Variants in SMAD2 observed in about 807,000 individuals in gnomAD.
The protein encoded by SMAD2 is SMAD family member 2.
SMAD2 carries 8 observed loss-of-function variants against 64.4 expected under a neutral mutation model. The observed-to-expected ratio is 0.12, with a 90% CI of 0.07 to 0.22. The LOEUF is 0.22. Among genes scored for constraint, SMAD2 ranks in the 10% least tolerant of loss-of-function variants. SMAD2 has a pLI of 1.00. For missense variants in SMAD2, 289 were observed against 561.2 expected (o/e 0.51, Z 4.90); for synonymous variants, 203 against 195.8 (o/e 1.04, Z -0.31).
chr18:47,915,323 G>A (rs1420255748), intron 1 of SMAD2, among the ~76,000 whole-genome samples: 1 of 152,110 alleles, frequency 6.6e-6, no homozygotes, highest in Non-Finnish European at 1.5e-5. Flanking sequence ...AAATTTATAT[G>A]AAAGTGTGAT....
chr18:47,873,452 C>A (rs1186763510), intron 2 of SMAD2, among the ~76,000 whole-genome samples: 1 of 152,066 alleles, frequency 6.6e-6, no homozygotes, highest in Non-Finnish European at 1.5e-5. Context: ...GGTATTAGTC[C>A]AAATACTGTA....
rs1180626562 is a variant in SMAD2, at chr18:47,830,973, C to G, written c.*10854G>C. The G allele has an allele frequency of 1.3e-5, 2 of 152,146 alleles. No individual in the cohort carries two copies. The highest frequency in any genetic ancestry group is 1.3e-4 in the Admixed American group (2 of 15,274). 9.4% of individuals were successfully genotyped at this position (152,146 alleles called of 1,614,324 possible). ...GTTTCACTTAATACACACACACACA[C>G]TAGGGTTTATATGTAGCAACTTCCT... is the stretch of plus-strand genomic sequence containing the variant. On this transcript the variant is annotated 3_prime_UTR_variant, in exon 11 of 11. Coordinates refer to ENST00000262160, the MANE Select transcript of SMAD2 (RefSeq NM_005901.6).
intron 2 of SMAD2, among the ~76,000 whole-genome samples, chr18:47,875,558 T>C (rs2032215403): frequency 6.6e-6 from 1 of 152,052 alleles, no homozygotes; most frequent in East Asian, 1.9e-4. Flanking sequence ...AAGAAACAAA[T>C]GCAGGAAAAA....
rs569654498 is a variant in SMAD2 at position 47,816,376 on chromosome 18, A to C, written c.*25451T>G. The C allele has an allele frequency of 6.6e-6, 1 of 152,364 alleles. No individual in the cohort carries two copies. The highest frequency in any genetic ancestry group is 2.1e-4 in the South Asian group (1 of 4,832). 9.4% of individuals were successfully genotyped at this position (152,364 alleles called of 1,614,324 possible). ...AACATTTTTGGATAATACACTTATA[A>C]ATTGGAAAATGAGAAAAGATAGTCT... On this transcript the variant is annotated 3_prime_UTR_variant, in exon 11 of 11. Transcript: ENST00000262160.
At chr18:47,848,034 T>A (rs1338361219) in intron 8 of SMAD2, among the ~76,000 whole-genome samples, 2 of 151,872 alleles carry the variant, frequency 1.3e-5, no homozygotes, top group African/African-American at 2.4e-5. Flanking sequence ...TCATTTCAGA[T>A]GAACAGCAAG....
chr18:47,843,564 A>G (rs1440568136), intron 10 of SMAD2, among the ~76,000 whole-genome samples: 1 of 152,252 alleles, frequency 6.6e-6, no homozygotes, highest in East Asian at 1.9e-4. Flanking sequence ...TTTAAAAAAA[A>G]TAGTTTTAGA....
intron 2 of SMAD2, among the ~76,000 whole-genome samples, chr18:47,882,714 T>C (rs1042334227): frequency 1.3e-5 from 2 of 152,360 alleles, no homozygotes; most frequent in East Asian, 1.9e-4. Context: ...GTTGCACAAA[T>C]GCTTAAATTT....
chr18:47,848,781 C>G (rs112826329), intron 7 of SMAD2, 94 bp from the exon 8 acceptor site: 1 of 877,098 alleles, frequency 1.1e-6, no homozygotes. Flanking sequence ...TTTACATGCT[C>G]TATGCCAGCC....
chr18:47,868,388 G>T lies in SMAD2; in HGVS notation c.590C>A (p.Thr197Asn), dbSNP rs1400171724. The T allele has an allele frequency of 2.5e-6, 4 of 1,609,072 alleles. No homozygotes were observed. The highest frequency in any genetic ancestry group is 3.4e-6 in the Non-Finnish European group (4 of 1,175,734). Residue 197 changes from threonine (T) to asparagine (N), a missense_variant, in exon 5 of 11, where the codon ACT becomes AAT. Coordinates refer to ENST00000262160, the MANE Select transcript of SMAD2 (RefSeq NM_005901.6). The part of the protein sequence containing the change: ...LTELPPLDDY[T>N]HSIPENTNFP... ...GTTAGTGTTTTCTGGAATGGAGTGA[G>T]TATAGTCATCCAGAGGCGGAAGTTC...
rs1384715574 is a variant in SMAD2 at position 47,840,764 on chromosome 18, G to C, written c.*1063C>G. On this transcript the variant is annotated 3_prime_UTR_variant, in exon 11 of 11. Transcript: ENST00000262160. ...GCAGAAGGTCTGCTGTTGAAATATT[G>C]TAAAATACCTTTGGAAAAACGGTAT... 4.3e-6 allele frequency: 1 copy of C among 231,084 alleles called. No homozygotes were observed. Among genetic ancestry groups the C allele is most frequent in the Non-Finnish European group, 8.6e-6 (1 of 116,836 alleles). 14.3% of individuals were successfully genotyped at this position (231,084 alleles called of 1,614,324 possible).
In SMAD2 at chr18:47,875,970, C is replaced by A. The variant is rs993975710; in HGVS notation, c.237-5406G>T. On this transcript the variant is annotated intron_variant, in intron 2 of 10. Transcript: ENST00000262160. Reference sequence around the variant, plus strand: ...GTTTGCACTTAAGTATGTTTCTATACATTTAAATAATATTAAAGGAAGTCC... The same window carrying A: ...GTTTGCACTTAAGTATGTTTCTATAAATTTAAATAATATTAAAGGAAGTCC... Among the ~76,000 whole-genome samples the A allele has an allele frequency of 8.6e-5, 13 of 152,036 alleles. No individual in the cohort carries two copies. In the East Asian group the frequency reaches 1.9e-3, roughly 23 times the overall value.
At chr18:47,885,110 C>T (rs1238615905) in intron 2 of SMAD2, among the ~76,000 whole-genome samples, 1 of 146,506 alleles carries the variant, frequency 6.8e-6, no homozygotes, top group Non-Finnish European at 1.5e-5. Context: ...CATAGCTTAT[C>T]GATTTTCTAG....
intron 1 of SMAD2, among the ~76,000 whole-genome samples, chr18:47,901,893 CG>C (rs1568099769): frequency 6.6e-6 from 1 of 152,140 alleles, no homozygotes. Context: ...CAAATGTCTA[CG>C]GGGGAAGAAA....
rs1912929573 is a variant in SMAD2 at position 47,830,127 on chromosome 18, G to A, written c.*11700C>T. 6.6e-6 allele frequency: 1 copy of A among 152,078 alleles called. No individual in the cohort carries two copies. Among genetic ancestry groups the A allele is most frequent in the Non-Finnish European group, 1.5e-5 (1 of 68,028 alleles). 9.4% of individuals were successfully genotyped at this position (152,078 alleles called of 1,614,324 possible). ...ATTGACGATGTACATTTTTAAATGT[G>A]GTGATAACACGTTATTATTCATGAT... On this transcript the variant is annotated 3_prime_UTR_variant, in exon 11 of 11. Coordinates refer to ENST00000262160, the MANE Select transcript of SMAD2 (RefSeq NM_005901.6).
Position 47,829,559 on chromosome 18 carries a change from AT to A in SMAD2, c.*12267del, listed in dbSNP as rs1912905919. The stretch of plus-strand genomic sequence containing the variant: ...CTTTTGTAATTTTGATTCTGAAAAA[AT>A]ATTTAAAGTAATCAATTAGGTATTC... On this transcript the variant is annotated 3_prime_UTR_variant, in exon 11 of 11. Transcript: ENST00000262160. 1 of 152,204 alleles carries A rather than the reference AT, an allele frequency of 6.6e-6. No individual in the cohort carries two copies. The highest frequency in any genetic ancestry group is 2.4e-5 in the African/African-American group (1 of 41,446). The allele number at this position is 152,204 out of a possible 1,614,324, so 9.4% of individuals were successfully genotyped here. A position where few individuals can be genotyped will look rare whatever the true frequency, so the allele number is the denominator to read the frequency against.
rs1027927544 is a variant in SMAD2 at position 47,834,098 on chromosome 18, A to G, written c.*7729T>C. The G allele has an allele frequency of 4.7e-6, 1 of 213,842 alleles. No individual in the cohort carries two copies. Among genetic ancestry groups the G allele is most frequent in the Non-Finnish European group, 9.4e-6 (1 of 105,996 alleles). 13.2% of individuals were successfully genotyped at this position (213,842 alleles called of 1,614,324 possible). A position where few individuals can be genotyped will look rare whatever the true frequency, so the allele number is the denominator to read the frequency against. Reference sequence around the variant, plus strand: ...TCTCATGTTCCATTCAAAGTACTAAATGACTGGATGGCACATATCCCAATA... The same window carrying G: ...TCTCATGTTCCATTCAAAGTACTAAGTGACTGGATGGCACATATCCCAATA... On this transcript the variant is annotated 3_prime_UTR_variant, in exon 11 of 11. Coordinates refer to ENST00000262160, the MANE Select transcript of SMAD2 (RefSeq NM_005901.6).
At chr18:47,864,599 T>C (rs950602075) in intron 6 of SMAD2, among the ~76,000 whole-genome samples, 4 of 152,176 alleles carry the variant, frequency 2.6e-5, no homozygotes, top group Non-Finnish European at 4.4e-5. Flanking sequence ...AGTTGATAGC[T>C]AAGCATAAGA....
intron 2 of SMAD2, chr18:47,895,802 T>C (rs1005567473): frequency 2.0e-5 from 3 of 152,496 alleles, no homozygotes; most frequent in Non-Finnish European, 2.9e-5. Context: ...TGCTATATGC[T>C]AGCCCACGGT....
intron 1 of SMAD2, among the ~76,000 whole-genome samples, chr18:47,926,027 T>G (rs909735214): frequency 6.6e-6 from 1 of 152,226 alleles, no homozygotes; most frequent in Admixed American, 6.5e-5. Context: ...ATGATACTCC[T>G]GCAGACTGAC....
Sources: allele counts gnomAD v4.1 joint callset (sites outside exome capture counted in the v4.1 genomes callset), GRCh38; gene constraint gnomAD v4.1.1; transcripts MANE v1.5; gene names NCBI Gene and HGNC (gene_info 2026-07-23, HGNC 2026-07-21).